Variants in ZNF732 observed in about 807,000 individuals in gnomAD.
ZNF732 encodes zinc finger protein 732.
Under a neutral mutation model 11.5 loss-of-function variants are expected in ZNF732, and 12 were observed. The ratio of observed to expected loss-of-function variants is 1.05; its 90% CI spans 0.67 to 1.70. The LOEUF (loss-of-function observed/expected upper bound fraction) is 1.70, where lower values mean the gene tolerates loss of function less well. ZNF732 is among the 40% of genes most tolerant of loss of function. ZNF732 has a pLI of 0.00. For synonymous variants in ZNF732, 231 were observed against 236.5 expected, an observed-to-expected ratio of 0.98 and a Z score of 0.21; for missense variants, 702 against 676.9, an observed-to-expected ratio of 1.04 and a Z score of -0.41.
rs889871649 is a variant in ZNF732 at position 293,246 on chromosome 4, A to G, written c.226+2192T>C. Among the ~76,000 whole-genome samples, 166 of 144,104 alleles carry G rather than the reference A, an allele frequency of 1.2e-3. 2 individuals carry two copies. The highest frequency in any genetic ancestry group is 3.7e-3 in the Middle Eastern group (1 of 268). 94.5% of individuals were successfully genotyped at this position (144,104 alleles called of 152,430 possible). On this transcript the variant is annotated intron_variant, in intron 3 of 3. Transcript: ENST00000419098. ...TAGCCAAAATATGGTGTGTGTGTGT[A>G]TATATATATACACATATATATGTAT...
chr4:284,412 G>A (rs2108655618), intron 3 of ZNF732, among the ~76,000 whole-genome samples: 1 of 152,120 alleles, frequency 6.6e-6, no homozygotes, highest in South Asian at 2.1e-4. Flanking sequence ...AAAGTAGAAT[G>A]TAACAAAAGC....
chr4:292,293 G>T (rs1166187169), intron 3 of ZNF732, among the ~76,000 whole-genome samples: 1 of 152,052 alleles, frequency 6.6e-6, no homozygotes, highest in Non-Finnish European at 1.5e-5. Flanking sequence ...ATATTTGCAA[G>T]CAATTTATCT....
intron 1 of ZNF732, among the ~76,000 whole-genome samples, chr4:299,493 G>GTATATATATATACACATATATACACATA (rs782230464): frequency 6.0e-5 from 6 of 99,182 alleles, no homozygotes; most frequent in Admixed American, 1.2e-4. Flanking sequence ...ACACATATGT[G>GTATATATATATACACATATATACACATA]TGTATATATA....
chr4:288,283 T>C (rs1303260795), intron 3 of ZNF732, among the ~76,000 whole-genome samples: 2 of 152,244 alleles, frequency 1.3e-5, no homozygotes, highest in Non-Finnish European at 2.9e-5. Flanking sequence ...AGTTTGTTGC[T>C]CATGTGTTTG....
In ZNF732 at chr4:296,246, G is replaced by A. The variant is rs1379599119; in HGVS notation, c.4-91C>T. 7 of 1,491,434 alleles carry A rather than the reference G, an allele frequency of 4.7e-6. No homozygotes were observed. The East Asian group carries it at 1.1e-4, about 24-fold the overall frequency. The allele number at this position is 1,491,434 out of a possible 1,614,324, so 92.4% of individuals were successfully genotyped here. A position where few individuals can be genotyped will look rare whatever the true frequency, so the allele number is the denominator to read the frequency against. ...AACTAGTTCTGACATGTGACTGACT[G>A]AGATTATCTGATAAAATAACTTTCA... is the stretch of plus-strand genomic sequence containing the variant. On this transcript the variant is annotated intron_variant, in intron 1 of 3. Coordinates refer to ENST00000419098, the MANE Select transcript of ZNF732 (RefSeq NM_001137608.3).
chr4:294,675 G>A (rs1024942283), intron 3 of ZNF732, among the ~76,000 whole-genome samples: 10 of 152,144 alleles, frequency 6.6e-5, no homozygotes, highest in Non-Finnish European at 1.0e-4. Flanking sequence ...ACTTATTCAC[G>A]AACCTTTTTC....
intron 3 of ZNF732, among the ~76,000 whole-genome samples, chr4:288,249 T>C (rs992270921): frequency 1.3e-5 from 2 of 152,210 alleles, no homozygotes; most frequent in African/African-American, 4.8e-5. Flanking sequence ...AAATTTAATG[T>C]AGTCTCATTT....
Position 270,822 on chromosome 4 carries a change from A to ATT in ZNF732, c.*276_*277insAA. 1 of 643,464 alleles carries ATT rather than the reference A, an allele frequency of 1.6e-6. No homozygotes were observed. The highest frequency in any genetic ancestry group is 3.2e-5 in the East Asian group (1 of 31,068). 39.9% of individuals were successfully genotyped at this position (643,464 alleles called of 1,614,324 possible). The stretch of plus-strand genomic sequence containing the variant: ...GTTCACTCAGGGTTGTGGACCATCT[A>ATT]AAAGCTTTGCCACATTCTTCACATT... On this transcript the variant is annotated 3_prime_UTR_variant, in exon 4 of 4. Coordinates refer to ENST00000419098, the MANE Select transcript of ZNF732 (RefSeq NM_001137608.3).
At chr4:297,533 T>C (rs1230052946) in intron 1 of ZNF732, among the ~76,000 whole-genome samples, 11 of 133,894 alleles carry the variant, frequency 8.2e-5, no homozygotes, top group African/African-American at 3.1e-4. Flanking sequence ...TCAATATAAA[T>C]AGATCACAAA....
chr4:283,896 T>C (rs1487009495), intron 3 of ZNF732, among the ~76,000 whole-genome samples: 3 of 152,138 alleles, frequency 2.0e-5, no homozygotes, highest in Admixed American at 6.5e-5. Flanking sequence ...ACTGAAATCA[T>C]ATCAACTTGT....
At chr4:287,996 C>T (rs1417436110) in intron 3 of ZNF732, among the ~76,000 whole-genome samples, 2 of 151,794 alleles carry the variant, frequency 1.3e-5, no homozygotes, top group African/African-American at 4.8e-5. Flanking sequence ...ACAACAATAA[C>T]CTTATTGTGG....
chr4:287,508 C>T (rs781936037), intron 3 of ZNF732, among the ~76,000 whole-genome samples: 4 of 152,008 alleles, frequency 2.6e-5, no homozygotes, highest in Admixed American at 6.6e-5. Context: ...AGTCATCGCA[C>T]GTGGCCAACA....
intron 3 of ZNF732, among the ~76,000 whole-genome samples, chr4:277,581 G>A (rs545934610): frequency 6.6e-6 from 1 of 151,238 alleles, no homozygotes; most frequent in Admixed American, 6.6e-5. Context: ...ACTCCAGTTA[G>A]AATGACTGTA....
intron 1 of ZNF732, among the ~76,000 whole-genome samples, chr4:300,454 CAAAAAAAAA>C (rs559629684): frequency 2.4e-4 from 14 of 58,646 alleles, no homozygotes; most frequent in South Asian, 1.2e-3. Context: ...GACTCTGTCT[CAAAAAAAAA>C]AAAAAAAAAA....
At chr4:302,401 A>G (rs1217946204) in intron 1 of ZNF732, among the ~76,000 whole-genome samples, 2 of 152,232 alleles carry the variant, frequency 1.3e-5, no homozygotes, top group South Asian at 2.1e-4. Flanking sequence ...GAAACTCACC[A>G]TAATTCTCAA....
At chr4:279,675 G>C (rs553409818) in intron 3 of ZNF732, among the ~76,000 whole-genome samples, 28 of 152,234 alleles carry the variant, frequency 1.8e-4, no homozygotes, top group African/African-American at 6.7e-4. Context: ...CTGTACACTT[G>C]AAAACCTTTA....
chr4:295,892 G>A (rs1180648103), intron 2 of ZNF732, 137 bp downstream of exon 2: 34 of 1,117,194 alleles, frequency 3.0e-5, no homozygotes, highest in Non-Finnish European at 8.7e-6. Context: ...TTTTACACCA[G>A]CAAACTCCCA....
chr4:278,615 T>C lies in ZNF732; in HGVS notation c.227-5985A>G, dbSNP rs183333432. ...CTATATGTTAGTTATTGAAAAACAA[T>C]AGACAATCGCAAACACAATTTGACC... On this transcript the variant is annotated intron_variant, in intron 3 of 3. Transcript: ENST00000419098. Among the ~76,000 whole-genome samples the C allele has an allele frequency of 5.9e-5, 9 of 152,314 alleles. No homozygotes were observed. The East Asian group carries it at 7.7e-4, about 13-fold the overall frequency.
intron 3 of ZNF732, among the ~76,000 whole-genome samples, chr4:273,097 G>A (rs1719423466): frequency 6.6e-6 from 1 of 152,094 alleles, no homozygotes; most frequent in African/African-American, 2.4e-5. Context: ...ACTTAGGAAG[G>A]ACAGGTTGGG....
Sources: gnomAD v4.1 joint callset for allele counts (sites outside exome capture counted in the v4.1 genomes callset) on GRCh38, gnomAD v4.1.1 for gene constraint, MANE v1.5 for transcripts, NCBI Gene and HGNC (gene_info 2026-07-23, HGNC 2026-07-21) for gene names.